Variants in MTA1 observed in about 807,000 individuals in gnomAD.
The protein encoded by MTA1 is metastasis associated 1.
In MTA1, 15 loss-of-function variants were observed where a neutral mutation model predicts 97.0. The ratio of observed to expected loss-of-function variants is 0.15; its 90% confidence interval spans 0.10 to 0.24. The LOEUF is 0.24. MTA1 is among the 10% of genes least tolerant of loss of function. The pLI is 1.00. For missense variants in MTA1, 709 were observed against 1,015.1 expected, an observed-to-expected ratio of 0.70 and a Z score of 4.10; for synonymous variants, 435 against 417.5, an observed-to-expected ratio of 1.04 and a Z score of -0.51.
At chr14:105,428,382 C>T (rs782519520) in intron 1 of MTA1, among the ~76,000 whole-genome samples, 3 of 152,004 alleles carry the variant, frequency 2.0e-5, no homozygotes, top group Non-Finnish European at 2.9e-5. Flanking sequence ...CCTCCACCTC[C>T]CAGGCTCAAG....
At chr14:105,469,606 G>C (rs983603116) in intron 19 of MTA1, 108 bp downstream of exon 19, 31 of 1,380,700 alleles carry the variant, frequency 2.2e-5, no homozygotes, top group Admixed American at 5.7e-5. Flanking sequence ...GAAGCTTCCA[G>C]GAGGCCTGGC....
chr14:105,457,469 T>A (rs2083195568), intron 7 of MTA1, among the ~76,000 whole-genome samples: 1 of 152,222 alleles, frequency 6.6e-6, no homozygotes, highest in Admixed American at 6.5e-5. Flanking sequence ...GGCCCCCGGC[T>A]CTGGCTGTGC....
Position 105,469,974 on chromosome 14 carries a change from T to C in MTA1, c.1979T>C (p.Met660Thr). 6.2e-7 allele frequency: 1 copy of C among 1,612,496 alleles called. No individual in the cohort carries two copies. Among genetic ancestry groups the C allele is most frequent in the Non-Finnish European group, 8.5e-7 (1 of 1,179,834 alleles). Residue 660 changes from methionine to threonine, a missense_variant, in exon 20 of 21, where the codon ATG becomes ACG. By Grantham distance (81) the Met-to-Thr change is moderately conservative. Transcript: ENST00000331320. ...WIDAPDDVFY[M>T]ATEETRKIRK... Reference sequence around the variant, plus strand: ...GACGCCCCGGATGACGTGTTCTACATGGCCACAGAGGAGACCAGGTGGGGC... The same window carrying C: ...GACGCCCCGGATGACGTGTTCTACACGGCCACAGAGGAGACCAGGTGGGGC...
chr14:105,448,760 C>T lies in MTA1; in HGVS notation c.191-599C>T, dbSNP rs151153586. ...CAGCCTCAGTCTTAGCTGTTGGCGC[C>T]TGGGAGGGCCCAGAGGAGCCAGGAC... On this transcript the variant is annotated intron_variant, in intron 3 of 20. Transcript: ENST00000331320. Among the ~76,000 whole-genome samples, 429 of 152,370 alleles carry T rather than the reference C, an allele frequency of 2.8e-3. 2 individuals carry two copies. Among genetic ancestry groups the T allele is most frequent in the African/African-American group, 9.7e-3 (404 of 41,594 alleles).
At position 105,463,702 on chromosome 14, in the gene MTA1, G is replaced by GA; in HGVS notation, c.1076+151_1076+152insA. 2.7e-6 allele frequency: 2 copies of GA among 731,970 alleles called. No homozygotes were observed. The highest frequency in any genetic ancestry group is 4.6e-6 in the Non-Finnish European group (2 of 439,428). 45.3% of individuals were successfully genotyped at this position (731,970 alleles called of 1,614,324 possible). On this transcript the variant is annotated intron_variant, in intron 12 of 20. Coordinates refer to ENST00000331320, the MANE Select transcript of MTA1 (RefSeq NM_004689.4). This position sits in a 1 kb window ranked among gnomAD's most constrained non-coding sequence, Gnocchi z 5.9. ...CCCGGGAGGGCGGCCCAGGGCTGGG[G>GA]GGTTCTGGCTGCAGACGCAGTGGCC...
chr14:105,450,127 G>A lies in MTA1; in HGVS notation c.311G>A (p.Arg104Gln), dbSNP rs1555428225. 3 of 1,613,290 alleles carry A rather than the reference G, an allele frequency of 1.9e-6. No homozygotes were observed. The highest frequency in any genetic ancestry group is 1.7e-5 in the Admixed American group (1 of 60,010). Residue 104 changes from arginine (R) to glutamine (Q), a missense_variant, in exon 5 of 21, where the codon CGG (arginine) becomes CAG (glutamine). Arg to Gln is a conservative substitution (Grantham distance 43). This residue lies in a region of MTA1 where 321 missense variants were observed against 593.5 expected (regional missense o/e 0.54). Coordinates refer to ENST00000331320, the MANE Select transcript of MTA1 (RefSeq NM_004689.4). ...DLPEKLKHQL[R>Q]HRELFLSRQL... ...CCCGAGAAACTAAAGCACCAGCTGCGGCATCGGGAGCTGTTCCTCTCCCGG... is the reference window on the plus strand; with the variant it reads ...CCCGAGAAACTAAAGCACCAGCTGCAGCATCGGGAGCTGTTCCTCTCCCGG...
intron 1 of MTA1, among the ~76,000 whole-genome samples, chr14:105,429,184 G>A (rs1037571802): frequency 9.2e-5 from 14 of 152,160 alleles, no homozygotes; most frequent in African/African-American, 2.7e-4. Flanking sequence ...CTCTGGCTTC[G>A]GGGAATGTGT....
rs371441836 is a variant in MTA1 at position 105,463,213 on chromosome 14, T to C, written c.972T>C (p.Ile324=). The part of the protein sequence containing the change: ...FLPWKSLTSI[I]EYYYMWKTTD... ...CGTGGAAGTCGCTGACCAGCATCAT[T>C]GAGTACTACTACATGTGGAAGACCA... The change falls in exon 11 of 21, where the codon ATT becomes ATC. Residue 324 remains isoleucine (I), a synonymous_variant. Transcript: ENST00000331320. This position sits in a 1 kb window ranked among gnomAD's most constrained non-coding sequence, Gnocchi z 5.9. The C allele has an allele frequency of 3.1e-6, 5 of 1,611,494 alleles. No individual in the cohort carries two copies. The African/African-American group carries it at 4.0e-5, about 13-fold the overall frequency.
chr14:105,467,726 TCCTGGGCCCAGGGCCAGCCCAC>T (rs2083656231), intron 18 of MTA1: 2 of 339,270 alleles, frequency 5.9e-6, no homozygotes, highest in Non-Finnish European at 5.8e-6. Context: ...CATTGCCTAG[TCCTGGGCCCAGGGCCAGCCCAC>T]TCTGGGCTGG....
intron 3 of MTA1, among the ~76,000 whole-genome samples, chr14:105,448,628 C>A (rs1363711901): frequency 1.3e-5 from 2 of 152,230 alleles, no homozygotes; most frequent in Non-Finnish European, 2.9e-5. Flanking sequence ...CTGGTCGGCC[C>A]TGCCCTGTTC....
chr14:105,430,980 A>C (rs2082161115), intron 1 of MTA1, among the ~76,000 whole-genome samples: 1 of 152,156 alleles, frequency 6.6e-6, no homozygotes, highest in Non-Finnish European at 1.5e-5. Context: ...GGAAAAACTT[A>C]ACTTTTTCCC....
At chr14:105,450,449 T>C in intron 6 of MTA1, 125 bp downstream of exon 6, 1 of 1,141,914 alleles carries the variant, frequency 8.8e-7, no homozygotes, top group East Asian at 2.6e-5. Flanking sequence ...CAGGCTGTTC[T>C]GGGGGGAAGC....
Position 105,469,058 on chromosome 14 carries a change from C to T in MTA1, c.1814-409C>T, listed in dbSNP as rs72713309. Reference sequence around the variant, plus strand: ...AGAGCCTTAGGAAAAAGCCCGGCCTCCTGGTGGGGCAGTGCCGGCCACAGC... The same window carrying T: ...AGAGCCTTAGGAAAAAGCCCGGCCTTCTGGTGGGGCAGTGCCGGCCACAGC... On this transcript the variant is annotated intron_variant, in intron 18 of 20. Coordinates refer to ENST00000331320, the MANE Select transcript of MTA1 (RefSeq NM_004689.4). 3,784 of 424,242 alleles carry T rather than the reference C, an allele frequency of 8.9e-3. 35 individuals carry two copies. Among genetic ancestry groups the T allele is most frequent in the Non-Finnish European group, 0.012 (2,619 of 211,002 alleles). 26.3% of individuals were successfully genotyped at this position (424,242 alleles called of 1,614,324 possible).
In MTA1 at chr14:105,420,721, C is replaced by T. The variant is rs1555420680; in HGVS notation, c.28+658C>T. 1.3e-5 allele frequency among the ~76,000 whole-genome samples: 2 copies of T among 152,218 alleles called. No individual in the cohort carries two copies. Among genetic ancestry groups the T allele is most frequent in the Non-Finnish European group, 2.9e-5 (2 of 68,010 alleles). ...AAGGGTTGGGGAGAGGCCGGAGGGC[C>T]TCCTGGGCAGGGGCTTCCTCCGTGG... On this transcript the variant is annotated intron_variant, in intron 1 of 20. Transcript: ENST00000331320. The surrounding 1 kb of genome is among the most constrained non-coding windows in gnomAD (Gnocchi z 5.3).
intron 7 of MTA1, 113 bp downstream of exon 7, chr14:105,454,423 G>A (rs979033166): frequency 4.6e-5 from 35 of 761,216 alleles, no homozygotes; most frequent in Middle Eastern, 7.7e-4. Context: ...ATGTGTGACT[G>A]GGGGCGGCAG....
chr14:105,464,277 G>A (rs1007736286), intron 13 of MTA1, 130 bp downstream of exon 13: 39 of 1,406,356 alleles, frequency 2.8e-5, no homozygotes, highest in South Asian at 8.0e-5. Flanking sequence ...TGCGTCCCAG[G>A]GGTGTGGTTG....
At chr14:105,445,228 G>A (rs1420998535) in intron 2 of MTA1, among the ~76,000 whole-genome samples, 190 bp from the exon 3 acceptor site, 1 of 152,218 alleles carries the variant, frequency 6.6e-6, no homozygotes, top group Admixed American at 6.5e-5. Flanking sequence ...TCTCCCCTGG[G>A]ATAGACGCCA....
intron 3 of MTA1, 86 bp downstream of exon 3, chr14:105,445,597 C>A: frequency 2.1e-6 from 3 of 1,411,690 alleles, no homozygotes; most frequent in African/African-American, 1.4e-5. Context: ...TAGGGCCCAT[C>A]GGCATCCTGG....
At chr14:105,461,792 A>G (rs1226275816) in intron 10 of MTA1, among the ~76,000 whole-genome samples, 1 of 152,174 alleles carries the variant, frequency 6.6e-6, no homozygotes, top group East Asian at 1.9e-4. Context: ...GCAGGAGTGC[A>G]GCTTTGTGTG....
Sources: allele counts gnomAD v4.1 joint callset (sites outside exome capture counted in the v4.1 genomes callset), GRCh38; gene constraint gnomAD v4.1.1; regional missense constraint gnomAD v4.1.1; non-coding constraint Gnocchi (gnomAD v3.1); transcripts MANE v1.5; gene names NCBI Gene and HGNC (gene_info 2026-07-23, HGNC 2026-07-21).